Variants in DNAH12 observed in about 807,000 individuals in gnomAD.
DNAH12 encodes axonemal beta dynein heavy chain 12.
A neutral mutation model predicts 371.5 loss-of-function variants in DNAH12; 285 were observed. The observed-to-expected ratio is 0.77, with a 90% CI of 0.70 to 0.85. The LOEUF is 0.85. Among genes scored for constraint, DNAH12 ranks in the 40% least tolerant of loss-of-function variants. DNAH12 has a pLI of 0.00. For synonymous variants in DNAH12, 1,200 were observed against 1,213.0 expected (o/e 0.99, Z 0.22); for missense variants, 3,611 against 3,689.4 (o/e 0.98, Z 0.55).
At chr3:57,373,318 ATTTT>A (rs36162551) in intron 55 of DNAH12, among the ~76,000 whole-genome samples, 1 of 144,232 alleles carries the variant, frequency 6.9e-6, no homozygotes, top group Non-Finnish European at 1.5e-5. Context: ...TACTCAACTG[ATTTT>A]TTTTTTTTTT....
At chr3:57,423,284 G>T (rs919191872) in intron 35 of DNAH12, among the ~76,000 whole-genome samples, 7 of 152,108 alleles carry the variant, frequency 4.6e-5, no homozygotes, top group African/African-American at 7.2e-5. Context: ...CAACTTGAAG[G>T]TTATATAGGT....
chr3:57,421,486 T>A, intron 36 of DNAH12, 32 bp downstream of exon 36: 1 of 1,548,732 alleles, frequency 6.5e-7, no homozygotes, highest in Non-Finnish European at 8.7e-7. Context: ...CTTTGTGTTT[T>A]ATCTTACCAT....
In DNAH12 at chr3:57,306,413, G is replaced by T. The variant is rs1399906891; in HGVS notation, c.11189+2738C>A. Among the ~76,000 whole-genome samples the T allele has an allele frequency of 7.2e-5, 11 of 151,930 alleles. No individual in the cohort carries two copies. In the East Asian group the frequency reaches 2.1e-3, roughly 29 times the overall value. Reference sequence around the variant, plus strand: ...ATACTCTTTTAAGCACTCCTTTTTAGTTATCCCCACCTGCCCAGTTCCCTT... The same window carrying T: ...ATACTCTTTTAAGCACTCCTTTTTATTTATCCCCACCTGCCCAGTTCCCTT... On this transcript the variant is annotated intron_variant, in intron 69 of 73. Transcript: ENST00000495027.
intron 2 of DNAH12, among the ~76,000 whole-genome samples, chr3:57,537,743 G>GGCAT (rs2069109417): frequency 6.7e-6 from 1 of 149,628 alleles, no homozygotes; most frequent in South Asian, 2.1e-4. Flanking sequence ...GGAGCGCAGT[G>GGCAT]GCATGATCTT....
chr3:57,294,635 G>A (rs1031201756), intron 73 of DNAH12, among the ~76,000 whole-genome samples: 1 of 152,098 alleles, frequency 6.6e-6, no homozygotes, highest in African/African-American at 2.4e-5. Context: ...AGGTAGTGGG[G>A]GAGACTCAAA....
At chr3:57,511,988 C>T (rs4681993) in intron 4 of DNAH12, among the ~76,000 whole-genome samples, 92,445 of 151,420 alleles carry the variant, frequency 0.61, 29,075 homozygotes, top group Non-Finnish European at 0.68. Context: ...TCTTTTATAA[C>T]TTGAGTATAG....
intron 11 of DNAH12, among the ~76,000 whole-genome samples, chr3:57,494,482 A>C (rs773188776): frequency 6.6e-6 from 1 of 151,890 alleles, no homozygotes; most frequent in Non-Finnish European, 1.5e-5. Flanking sequence ...GGATCACTGG[A>C]GTCTGGGAGG....
intron 29 of DNAH12, among the ~76,000 whole-genome samples, chr3:57,438,236 G>A (rs1231708792): frequency 2.6e-5 from 4 of 152,186 alleles, no homozygotes; most frequent in Admixed American, 1.3e-4. Context: ...GCTTGAACCC[G>A]GGAGGTGGAG....
At chr3:57,324,195 C>T (rs1461871732) in intron 62 of DNAH12, among the ~76,000 whole-genome samples, 1 of 152,096 alleles carries the variant, frequency 6.6e-6, no homozygotes, top group Non-Finnish European at 1.5e-5. Flanking sequence ...CAAGAGCTTC[C>T]CTGTCAGCCC....
chr3:57,502,926 C>T (rs1013739666), intron 9 of DNAH12, among the ~76,000 whole-genome samples: 5 of 152,156 alleles, frequency 3.3e-5, no homozygotes, highest in South Asian at 2.1e-4. Context: ...GCAATCCGCC[C>T]GCCTCATCCT....
chr3:57,425,305 T>G (rs1319892435), intron 34 of DNAH12, among the ~76,000 whole-genome samples, 164 bp from the exon 35 acceptor site: 1 of 152,128 alleles, frequency 6.6e-6, no homozygotes, highest in Non-Finnish European at 1.5e-5. Flanking sequence ...TGGAGCCCAG[T>G]TGCACAATCA....
rs774552290 is a variant in DNAH12, at chr3:57,510,888, G to A, written c.371C>T (p.Pro124Leu). The A allele has an allele frequency of 1.2e-6, 2 of 1,613,818 alleles. No individual in the cohort carries two copies. The highest frequency in any genetic ancestry group is 1.3e-5 in the African/African-American group (1 of 74,862). Residue 124 changes from proline to leucine, a missense_variant, in exon 5 of 74, where the codon CCT becomes CTT. Physicochemically the swap from Pro to Leu is moderately conservative, Grantham distance 98. This residue lies in a region of DNAH12 where 1,314 missense variants were observed against 1,398.7 expected (regional missense o/e 0.94). Coordinates refer to ENST00000495027, the MANE Select transcript of DNAH12 (RefSeq NM_001366028.2). Reference sequence around the variant, plus strand: ...TTCTTTCCCTTCCTTTAAAGACTCAGGTATCAGCCTTAACATGTGATCCAG... The same window carrying A: ...TTCTTTCCCTTCCTTTAAAGACTCAAGTATCAGCCTTAACATGTGATCCAG... Reference protein sequence around the residue: ...EWLDHMLRLIPESLKEGKERE... With the variant: ...EWLDHMLRLILESLKEGKERE...
chr3:57,354,678 G>A (rs2062757670), intron 59 of DNAH12, among the ~76,000 whole-genome samples: 1 of 152,046 alleles, frequency 6.6e-6, no homozygotes, highest in Non-Finnish European at 1.5e-5. Context: ...GTTTATAGCA[G>A]TTTTATTCAT....
Position 57,428,621 on chromosome 3 carries a change from T to C in DNAH12, c.5253+12A>G. ...AAAGAAACTTGAATAGGTCAGAGAA[T>C]TATAGGATTACCTTGCATTTTTTCT... On this transcript the variant is annotated intron_variant, in intron 34 of 73. Transcript: ENST00000495027. The C allele has an allele frequency of 6.6e-7, 1 of 1,525,042 alleles. No homozygotes were observed. Among genetic ancestry groups the C allele is most frequent in the Non-Finnish European group, 8.8e-7 (1 of 1,138,246 alleles). 94.5% of individuals were successfully genotyped at this position (1,525,042 alleles called of 1,614,324 possible). A position where few individuals can be genotyped will look rare whatever the true frequency, so the allele number is the denominator to read the frequency against.
At chr3:57,468,455 TC>T (rs2066267497) in intron 17 of DNAH12, among the ~76,000 whole-genome samples, 1 of 151,904 alleles carries the variant, frequency 6.6e-6, no homozygotes, top group Non-Finnish European at 1.5e-5. Flanking sequence ...AAACCCCATC[TC>T]TTCAAAAAAT....
At chr3:57,356,760 A>C (rs1234825419) in intron 59 of DNAH12, among the ~76,000 whole-genome samples, 3 of 151,506 alleles carry the variant, frequency 2.0e-5, no homozygotes, top group African/African-American at 7.3e-5. Context: ...TTTATTTTTT[A>C]AGACAGTCTC....
chr3:57,449,284 C>T (rs931961259), intron 25 of DNAH12, among the ~76,000 whole-genome samples: 19 of 152,370 alleles, frequency 1.2e-4, no homozygotes, highest in Middle Eastern at 3.4e-3. Context: ...CTGGCTTCAC[C>T]TAGTGGATCC....
chr3:57,440,105 G>A (rs796710785), intron 29 of DNAH12, among the ~76,000 whole-genome samples: 1 of 152,198 alleles, frequency 6.6e-6, no homozygotes, highest in African/African-American at 2.4e-5. Context: ...AGTCACCGTG[G>A]AAAGCAGTTT....
chr3:57,443,413 A>G (rs1216003761), intron 29 of DNAH12, among the ~76,000 whole-genome samples: 1 of 152,120 alleles, frequency 6.6e-6, no homozygotes, highest in African/African-American at 2.4e-5. Context: ...CCTGGCTTGT[A>G]ATTAATTTTA....
Sources: gnomAD v4.1 joint callset for allele counts (sites outside exome capture counted in the v4.1 genomes callset) on GRCh38, gnomAD v4.1.1 for gene constraint, gnomAD v4.1.1 regional missense constraint, MANE v1.5 for transcripts, NCBI Gene and HGNC (gene_info 2026-07-23, HGNC 2026-07-21) for gene names.